Variants in BANP observed in about 807,000 individuals in gnomAD.
BANP encodes protein BANP.
Under a neutral mutation model 68.1 loss-of-function variants are expected in BANP, and 11 were observed. The observed-to-expected ratio is 0.16, with a 90% CI of 0.10 to 0.27. The LOEUF (loss-of-function observed/expected upper bound fraction) is 0.27, where lower values mean the gene tolerates loss of function less well. Among genes scored for constraint, BANP ranks in the 10% least tolerant of loss-of-function variants. BANP has a pLI of 1.00. For missense variants in BANP, 504 were observed against 722.7 expected, an observed-to-expected ratio of 0.70 and a Z score of 3.47; for synonymous variants, 329 against 303.2, an observed-to-expected ratio of 1.09 and a Z score of -0.88.
At position 88,018,760 on chromosome 16, in the gene BANP, C is replaced by A. The variant is rs780323702; in HGVS notation, c.895+93C>A. 7.0e-7 allele frequency: 1 copy of A among 1,430,474 alleles called. No homozygotes were observed. The highest frequency in any genetic ancestry group is 9.4e-7 in the Non-Finnish European group (1 of 1,069,172). The allele number at this position is 1,430,474 out of a possible 1,614,324, so 88.6% of individuals were successfully genotyped here. On this transcript the variant is annotated intron_variant, in intron 7 of 13. Coordinates refer to ENST00000682872, the MANE Select transcript of BANP (RefSeq NM_001386991.1). This position sits in a 1 kb window ranked among gnomAD's most constrained non-coding sequence, Gnocchi z 7.7. ...CTGAGGACGCTGGCATCAGTAGCAC[C>A]GGCACGGGGCTGCGTTTCTCCAGGC...
intron 4 of BANP, among the ~76,000 whole-genome samples, chr16:87,994,238 C>T (rs558358364): frequency 1.3e-5 from 2 of 152,348 alleles, no homozygotes; most frequent in African/African-American, 2.4e-5. Context: ...TCAGTCCTGA[C>T]GCTGCTTCCC....
At chr16:88,041,032 G>A (rs923167560) in intron 11 of BANP, among the ~76,000 whole-genome samples, 20 of 152,204 alleles carry the variant, frequency 1.3e-4, no homozygotes, top group African/African-American at 1.7e-4. Flanking sequence ...TCCGTTTTCC[G>A]TCATGGGGCT....
rs182376126 is a variant in BANP, at chr16:88,029,175, C to T, written c.1063+1525C>T. ...TACAAAAATTAGCCAGGTGTGGTGG[C>T]GCATGCCTCTAATCCCAGCTACTTG... On this transcript the variant is annotated intron_variant, in intron 8 of 13. Transcript: ENST00000682872. 6.7e-3 allele frequency among the ~76,000 whole-genome samples: 1,022 copies of T among 151,828 alleles called. 7 individuals are homozygous for T. Among genetic ancestry groups the T allele is most frequent in the Non-Finnish European group, 0.011 (727 of 67,960 alleles).
rs375082720 is a variant in BANP at position 88,002,624 on chromosome 16, C to A, written c.363-1671C>A. Among the ~76,000 whole-genome samples, 4 of 152,162 alleles carry A rather than the reference C, an allele frequency of 2.6e-5. No individual in the cohort carries two copies. Among genetic ancestry groups the A allele is most frequent in the African/African-American group, 9.6e-5 (4 of 41,532 alleles). On this transcript the variant is annotated intron_variant, in intron 4 of 13. Coordinates refer to ENST00000682872, the MANE Select transcript of BANP (RefSeq NM_001386991.1). This position sits in a 1 kb window ranked among gnomAD's most constrained non-coding sequence, Gnocchi z 4.6. ...AGAGCTGTTTGCATCCATGAGCCCC[C>A]CAGAAGCTGTGGGGCACCCGAGGGG...
chr16:88,049,004 C>G (rs1378661109), intron 11 of BANP, among the ~76,000 whole-genome samples: 1 of 152,152 alleles, frequency 6.6e-6, no homozygotes, highest in Non-Finnish European at 1.5e-5. Context: ...CCTCTGCTCT[C>G]ACACCGTGAC....
chr16:88,027,034 G>A (rs1036783121), intron 7 of BANP, among the ~76,000 whole-genome samples: 5 of 152,254 alleles, frequency 3.3e-5, no homozygotes, highest in Non-Finnish European at 7.3e-5. Flanking sequence ...GGCCGAGCAG[G>A]CCCGAGTAGG....
Position 88,067,496 on chromosome 16 carries a change from C to T in BANP, c.1377+2164C>T, listed in dbSNP as rs111269388. 2.8e-4 allele frequency among the ~76,000 whole-genome samples: 42 copies of T among 152,244 alleles called. 1 individual carries two copies. Among genetic ancestry groups the T allele is most frequent in the African/African-American group, 9.4e-4 (39 of 41,530 alleles). On this transcript the variant is annotated intron_variant, in intron 12 of 13. Coordinates refer to ENST00000682872, the MANE Select transcript of BANP (RefSeq NM_001386991.1). The stretch of plus-strand genomic sequence containing the variant: ...GGGCTTGTCCTGAGGGGCTCTAGGC[C>T]GGCCCCACCTCACCTGCTGCACTGC...
chr16:87,978,156 T>A (rs2062555572), intron 2 of BANP, among the ~76,000 whole-genome samples: 2 of 152,224 alleles, frequency 1.3e-5, no homozygotes, highest in African/African-American at 2.4e-5. Context: ...ATCTTTAAAA[T>A]GAACAAGGAG....
chr16:87,987,400 A>C (rs1467483016), intron 4 of BANP, among the ~76,000 whole-genome samples: 2 of 152,018 alleles, frequency 1.3e-5, no homozygotes, highest in East Asian at 3.9e-4. Context: ...TTTCATAGTA[A>C]AGTTTTAAAT....
chr16:88,024,434 A>G lies in BANP; in HGVS notation c.896-3049A>G, dbSNP rs1387509297. Among the ~76,000 whole-genome samples, 7 of 152,370 alleles carry G rather than the reference A, an allele frequency of 4.6e-5. No individual in the cohort carries two copies. The South Asian group carries it at 1.2e-3, about 27-fold the overall frequency. ...CAAATAACATGAGATCAAATGCTTAAAGTGGAAAATGGCAGTTAAATTCAA... is the reference window on the plus strand; with the variant it reads ...CAAATAACATGAGATCAAATGCTTAGAGTGGAAAATGGCAGTTAAATTCAA... On this transcript the variant is annotated intron_variant, in intron 7 of 13. Coordinates refer to ENST00000682872, the MANE Select transcript of BANP (RefSeq NM_001386991.1).
rs769554669 is a variant in BANP at position 88,076,676 on chromosome 16, A to G, written c.*15A>G. 3 of 1,602,640 alleles carry G rather than the reference A, an allele frequency of 1.9e-6. No individual in the cohort carries two copies. Among genetic ancestry groups the G allele is most frequent in the South Asian group, 2.2e-5 (2 of 90,788 alleles). On this transcript the variant is annotated 3_prime_UTR_variant, in exon 14 of 14. Coordinates refer to ENST00000682872, the MANE Select transcript of BANP (RefSeq NM_001386991.1). The stretch of plus-strand genomic sequence containing the variant: ...AGATTCAGTGAGCGGTGCCCATGGC[A>G]CCAGGAGCCCCTCGCCGGCTCCGCC...
At chr16:87,965,488 G>A (rs1718180161) in intron 1 of BANP, among the ~76,000 whole-genome samples, 1 of 152,100 alleles carries the variant, frequency 6.6e-6, no homozygotes, top group Admixed American at 6.5e-5. Context: ...GACTGGGTGT[G>A]GGGCACATGC....
At chr16:87,975,832 T>G (rs11642693) in intron 2 of BANP, among the ~76,000 whole-genome samples, 4,357 of 78,392 alleles carry the variant, frequency 0.056, 68 homozygotes, top group Non-Finnish European at 0.09. Context: ...CTTATCATGT[T>G]GTGTGTGTAA....
At chr16:88,029,038 G>A (rs920367687) in intron 8 of BANP, among the ~76,000 whole-genome samples, 8 of 152,190 alleles carry the variant, frequency 5.3e-5, no homozygotes, top group African/African-American at 1.9e-4. Context: ...CAGGCGTGGT[G>A]GCTCATGCCT....
In BANP at chr16:87,960,680, A is replaced by G. The variant is rs559360545; in HGVS notation, c.-69+9165A>G. Among the ~76,000 whole-genome samples, 11 of 152,352 alleles carry G rather than the reference A, an allele frequency of 7.2e-5. No homozygotes were observed. In the East Asian group the frequency reaches 2.1e-3, roughly 29 times the overall value. On this transcript the variant is annotated intron_variant, in intron 1 of 13. Coordinates refer to ENST00000682872, the MANE Select transcript of BANP (RefSeq NM_001386991.1). ...TCACAAAATCAGTGATTCTGCTCTGATAAAATGGCAAGTCCACGGAAAGCA... is the reference window on the plus strand; with the variant it reads ...TCACAAAATCAGTGATTCTGCTCTGGTAAAATGGCAAGTCCACGGAAAGCA...
At chr16:87,966,341 T>G (rs763246252) in intron 1 of BANP, among the ~76,000 whole-genome samples, 3 of 152,224 alleles carry the variant, frequency 2.0e-5, no homozygotes, top group Non-Finnish European at 4.4e-5. Flanking sequence ...AGTAAGAGGC[T>G]TGCTTGAGCA....
At position 87,953,401 on chromosome 16, in the gene BANP, A is replaced by T. The variant is rs370639186; in HGVS notation, c.-69+1886A>T. On this transcript the variant is annotated intron_variant, in intron 1 of 13. Transcript: ENST00000682872. ...CTTTTTATTTTTTTCTTGAGATAGG[A>T]TCCCCTGATGTTGCCCAGGCCGTAC... Among the ~76,000 whole-genome samples the T allele has an allele frequency of 2.6e-4, 40 of 152,066 alleles. No individual in the cohort carries two copies. In the South Asian group the frequency reaches 5.0e-3, roughly 19 times the overall value.
At chr16:87,971,538 T>A (rs538016238) in intron 1 of BANP, among the ~76,000 whole-genome samples, 1 of 152,142 alleles carries the variant, frequency 6.6e-6, no homozygotes, top group South Asian at 2.1e-4. Flanking sequence ...TAATTTTCTT[T>A]CCGTTATAAG....
intron 11 of BANP, among the ~76,000 whole-genome samples, chr16:88,046,648 C>T (rs113239237): frequency 0.017 from 2,655 of 152,006 alleles, 77 homozygotes; most frequent in African/African-American, 0.06. Flanking sequence ...CAGGTTCAGG[C>T]GATTCTCCTG....
Sources: allele counts gnomAD v4.1 joint callset (sites outside exome capture counted in the v4.1 genomes callset), GRCh38; gene constraint gnomAD v4.1.1; non-coding constraint Gnocchi (gnomAD v3.1); transcripts MANE v1.5; gene names NCBI Gene and HGNC (gene_info 2026-07-23, HGNC 2026-07-21).